Variants in GLIS3 observed in about 807,000 individuals in gnomAD.
The protein encoded by GLIS3 is zinc finger protein GLIS3.
GLIS3 carries 53 observed loss-of-function variants against 78.6 expected under a neutral mutation model. That is an observed-to-expected ratio of 0.67 (90% CI 0.54 to 0.85). The LOEUF (loss-of-function observed/expected upper bound fraction) is 0.85, where lower values mean the gene tolerates loss of function less well. Ranked by LOEUF, GLIS3 falls within the 40% of genes least tolerant of loss-of-function variation. The pLI is 0.00. For missense variants in GLIS3, 1,703 were observed against 1,231.1 expected (o/e 1.38, Z -5.74); for synonymous variants, 684 against 509.9 (o/e 1.34, Z -4.60).
rs74718819 is a variant in GLIS3, at chr9:4,021,821, A to C, written c.1711-84632T>G. On this transcript the variant is annotated intron_variant, in intron 4 of 10. Transcript: ENST00000381971. ...AGCATGTGACCAGCTGGGCTTCACC[A>C]GGGGAATTCACAAAGCAATAGTTTT... Among the ~76,000 whole-genome samples the C allele has an allele frequency of 1.9e-3, 291 of 152,310 alleles. 2 individuals are homozygous for C. Among genetic ancestry groups the C allele is most frequent in the African/African-American group, 6.6e-3 (276 of 41,562 alleles).
the GLIS3 span, among the ~76,000 whole-genome samples, chr9:4,487,704 AATAG>A: frequency 7.3e-5 from 11 of 150,630 alleles, no homozygotes; most frequent in East Asian, 1.6e-3. Context: ...TTTTTTTTTA[AATAG>A]ATAGAGTCTC....
upstream of GLIS3, among the ~76,000 whole-genome samples, chr9:4,352,603 A>G (rs577123140): frequency 1.3e-5 from 2 of 152,286 alleles, no homozygotes; most frequent in Non-Finnish European, 2.9e-5. Context: ...CTGTAGAGGG[A>G]GGTTTCTTCC....
chr9:4,407,563 C>T, the GLIS3 span, among the ~76,000 whole-genome samples: 8 of 152,182 alleles, frequency 5.3e-5, no homozygotes, highest in African/African-American at 1.9e-4. Flanking sequence ...AGGAGAATGG[C>T]GAGAACCCGG....
At chr9:4,364,220 C>G in the GLIS3 span, among the ~76,000 whole-genome samples, 6 of 152,156 alleles carry the variant, frequency 3.9e-5, no homozygotes, top group Admixed American at 6.5e-5. Context: ...AAACTATTAA[C>G]AAACAGAACA....
At chr9:4,297,623 C>T (rs1816663358) in intron 1 of GLIS3, among the ~76,000 whole-genome samples, 1 of 152,186 alleles carries the variant, frequency 6.6e-6, no homozygotes, top group Non-Finnish European at 1.5e-5. Flanking sequence ...GGCCGCGACT[C>T]CACGAGTCCT....
chr9:4,243,810 C>T (rs1170224619), intron 2 of GLIS3, among the ~76,000 whole-genome samples: 2 of 152,146 alleles, frequency 1.3e-5, no homozygotes, highest in Non-Finnish European at 2.9e-5. Flanking sequence ...TTTGTAACTA[C>T]CACAATGATT....
At chr9:4,172,622 G>C (rs563211763) in intron 2 of GLIS3, among the ~76,000 whole-genome samples, 1 of 152,276 alleles carries the variant, frequency 6.6e-6, no homozygotes, top group South Asian at 2.1e-4. Flanking sequence ...GAATAAATGA[G>C]TGAATTAATA....
At chr9:4,068,270 A>T (rs1827272080) in intron 4 of GLIS3, among the ~76,000 whole-genome samples, 1 of 152,120 alleles carries the variant, frequency 6.6e-6, no homozygotes, top group Non-Finnish European at 1.5e-5. Flanking sequence ...AAATCCTAAA[A>T]CTTCAGCGCA....
At chr9:4,093,266 A>G (rs971662508) in intron 4 of GLIS3, among the ~76,000 whole-genome samples, 1 of 151,908 alleles carries the variant, frequency 6.6e-6, no homozygotes, top group African/African-American at 2.4e-5. Flanking sequence ...GCCTGGAAAA[A>G]AAAAAAAAAG....
intron 1 of GLIS3, among the ~76,000 whole-genome samples, chr9:4,298,794 G>A (rs964331668): frequency 2.0e-5 from 3 of 152,126 alleles, no homozygotes; most frequent in African/African-American, 4.8e-5. Context: ...GCGGATCGCC[G>A]GGCCGGTACC....
At chr9:4,067,839 T>C (rs141494986) in intron 4 of GLIS3, among the ~76,000 whole-genome samples, 237 of 151,366 alleles carry the variant, frequency 1.6e-3, no homozygotes, top group Middle Eastern at 3.4e-3. Context: ...AAAGAACAGA[T>C]TGATCCCAGA....
chr9:4,308,131 T>A (rs2130515180), intron 4 of GLIS3, among the ~76,000 whole-genome samples: 1 of 152,148 alleles, frequency 6.6e-6, no homozygotes, highest in East Asian at 1.9e-4. Context: ...TCCCTTAGCT[T>A]CTCCAGGAGC....
At chr9:4,046,140 C>T (rs1456547331) in intron 4 of GLIS3, among the ~76,000 whole-genome samples, 1 of 152,096 alleles carries the variant, frequency 6.6e-6, no homozygotes, top group Non-Finnish European at 1.5e-5. Context: ...TCTCTTATGG[C>T]AGTCTTATAA....
At chr9:3,897,975 A>T (rs1025781075) in intron 7 of GLIS3, among the ~76,000 whole-genome samples, 1 of 152,252 alleles carries the variant, frequency 6.6e-6, no homozygotes, top group Non-Finnish European at 1.5e-5. Flanking sequence ...GCATGACTGT[A>T]AGAGTGTTCC....
the GLIS3 span, among the ~76,000 whole-genome samples, chr9:4,368,996 T>C: frequency 2.6e-5 from 4 of 152,312 alleles, no homozygotes; most frequent in East Asian, 7.7e-4. Flanking sequence ...AGAATGATGT[T>C]TTCTTTTTTC....
chr9:4,099,112 C>A (rs1234801762), intron 4 of GLIS3, among the ~76,000 whole-genome samples: 1 of 152,202 alleles, frequency 6.6e-6, no homozygotes, highest in African/African-American at 2.4e-5. Flanking sequence ...GGCATGGGCA[C>A]CTGCAGCAGC....
chr9:3,962,833 C>A (rs536990317), intron 4 of GLIS3, among the ~76,000 whole-genome samples: 71 of 151,434 alleles, frequency 4.7e-4, no homozygotes, highest in African/African-American at 1.7e-3. Flanking sequence ...GAGGAGTAAG[C>A]TAAAAACTTG....
chr9:4,354,898 C>G, the GLIS3 span, among the ~76,000 whole-genome samples: 3 of 152,094 alleles, frequency 2.0e-5, no homozygotes, highest in Non-Finnish European at 4.4e-5. Context: ...GGGCGGATCA[C>G]TAGGTCAGGA....
chr9:3,972,485 G>A (rs1818453343), intron 4 of GLIS3, among the ~76,000 whole-genome samples: 1 of 152,176 alleles, frequency 6.6e-6, no homozygotes, highest in Non-Finnish European at 1.5e-5. Context: ...AAGGAAGCAT[G>A]AGCTTCTCTT....
Sources: allele counts gnomAD v4.1 joint callset (sites outside exome capture counted in the v4.1 genomes callset), GRCh38; gene constraint gnomAD v4.1.1; transcripts MANE v1.5; gene names NCBI Gene and HGNC (gene_info 2026-07-23, HGNC 2026-07-21).